PIK3CD: variants seen among roughly 807,000 people sequenced by gnomAD.
PIK3CD encodes phosphatidylinositol 4,5-bisphosphate 3-kinase catalytic subunit delta isoform.
A neutral mutation model predicts 122.9 loss-of-function variants in PIK3CD; 20 were observed. The ratio of observed to expected loss-of-function variants is 0.16; its 90% CI spans 0.11 to 0.24. PIK3CD has a LOEUF of 0.24. PIK3CD is among the 10% of genes least tolerant of loss of function. The pLI is 1.00. For missense variants in PIK3CD, 787 were observed against 1,406.3 expected, an observed-to-expected ratio of 0.56 and a Z score of 7.04; for synonymous variants, 596 against 593.4, an observed-to-expected ratio of 1.00 and a Z score of -0.06.
chr1:9,656,930 G>A (rs1239269614), intron 1 of PIK3CD, among the ~76,000 whole-genome samples: 3 of 129,744 alleles, frequency 2.3e-5, no homozygotes, highest in South Asian at 2.7e-4. Context: ...GTGACAGAGC[G>A]AGACTCCATC....
chr1:9,702,500 CTTTTTTTTTTTTTTTT>C (rs60167511), intron 2 of PIK3CD, among the ~76,000 whole-genome samples: 383 of 25,810 alleles, frequency 0.015, 2 homozygotes, highest in African/African-American at 0.035. Context: ...AAGAACTTTC[CTTTTTTTTTTTTTTTT>C]TTTTTTTTTT....
At chr1:9,675,019 TAAAA>T (rs35270071) in intron 1 of PIK3CD, among the ~76,000 whole-genome samples, 4 of 73,976 alleles carry the variant, frequency 5.4e-5, no homozygotes, top group Admixed American at 3.0e-4. Context: ...CTGGGCAATG[TAAAA>T]AAAAAAAAAA....
In PIK3CD at chr1:9,717,653, GAC is replaced by G. The variant is rs765289296; in HGVS notation, c.1020+30_1020+31del. On this transcript the variant is annotated intron_variant, in intron 8 of 23. Coordinates refer to ENST00000377346, the MANE Select transcript of PIK3CD (RefSeq NM_005026.5). The surrounding 1 kb of genome is among the most constrained non-coding windows in gnomAD (Gnocchi z 5.4). ...TGGGGCTCCTGGGATAGGTGGGAGA[GAC>G]ACTGTTTTTTTGCACAAACAAGGTG... The G allele has an allele frequency of 1.7e-5, 27 of 1,606,984 alleles. No homozygotes were observed. The highest frequency in any genetic ancestry group is 2.2e-5 in the Non-Finnish European group (26 of 1,173,972).
the PIK3CD span, among the ~76,000 whole-genome samples, chr1:9,631,554 G>A: frequency 6.6e-6 from 1 of 152,240 alleles, no homozygotes; most frequent in Non-Finnish European, 1.5e-5. Flanking sequence ...TACTCAGGAG[G>A]CTGAGGCAGG....
rs1228290405 is a variant in PIK3CD, at chr1:9,704,182, G to A, written c.-32-6242G>A. ...GACAGGACCTGGCATTTGATGTCCT[G>A]TGCAGACCAGTCTGATACTTTCTGT... is the stretch of plus-strand genomic sequence containing the variant. On this transcript the variant is annotated intron_variant, in intron 2 of 23. Transcript: ENST00000377346. This position sits in a 1 kb window ranked among gnomAD's most constrained non-coding sequence, Gnocchi z 5.0. Among the ~76,000 whole-genome samples the A allele has an allele frequency of 6.6e-6, 1 of 152,196 alleles. No individual in the cohort carries two copies. The highest frequency in any genetic ancestry group is 1.5e-5 in the Non-Finnish European group (1 of 68,042).
chr1:9,627,691 G>C, the PIK3CD span, among the ~76,000 whole-genome samples: 10 of 152,212 alleles, frequency 6.6e-5, no homozygotes, highest in African/African-American at 2.2e-4. Flanking sequence ...AGGACCAGGG[G>C]CTGAGTCTCC....
intron 1 of PIK3CD, among the ~76,000 whole-genome samples, chr1:9,671,737 C>T (rs1477016442): frequency 6.6e-6 from 1 of 152,172 alleles, no homozygotes; most frequent in Non-Finnish European, 1.5e-5. Context: ...TGAGCCACTA[C>T]ATCTGGCCTT....
chr1:9,723,602 C>G lies in PIK3CD; in HGVS notation c.2594+310C>G, dbSNP rs1022482627. 1.4e-4 allele frequency among the ~76,000 whole-genome samples: 21 copies of G among 152,234 alleles called. No homozygotes were observed. The highest frequency in any genetic ancestry group is 5.1e-4 in the African/African-American group (21 of 41,466). On this transcript the variant is annotated intron_variant, in intron 20 of 23. Coordinates refer to ENST00000377346, the MANE Select transcript of PIK3CD (RefSeq NM_005026.5). The surrounding 1 kb of genome is among the most constrained non-coding windows in gnomAD (Gnocchi z 4.9). ...GGCTTTTCTGCTGGTTCCACATAAT[C>G]ACTCATGCAGCTGTTCTCATCTGGT...
chr1:9,635,916 C>T, the PIK3CD span, among the ~76,000 whole-genome samples: 5 of 152,128 alleles, frequency 3.3e-5, no homozygotes, highest in Admixed American at 2.0e-4. Context: ...GGCCTGGAGC[C>T]CAGACAGATG....
At chr1:9,675,566 T>C (rs1021397467) in intron 1 of PIK3CD, among the ~76,000 whole-genome samples, 4 of 151,850 alleles carry the variant, frequency 2.6e-5, no homozygotes, top group African/African-American at 4.8e-5. Context: ...CACGGGCTTG[T>C]TCCCAGGAAG....
Position 9,715,730 on chromosome 1 carries a change from A to C in PIK3CD, c.331A>C (p.Lys111Gln). 1 of 1,613,446 alleles carries C rather than the reference A, an allele frequency of 6.2e-7. No homozygotes were observed. The highest frequency in any genetic ancestry group is 8.5e-7 in the Non-Finnish European group (1 of 1,179,984). Residue 111 changes from lysine to glutamine, a missense_variant, in exon 4 of 24, where the codon AAG (lysine) becomes CAG (glutamine). Lys to Gln is a moderately conservative substitution (Grantham distance 53). Transcript: ENST00000377346. This position sits in a 1 kb window ranked among gnomAD's most constrained non-coding sequence, Gnocchi z 4.1. ...LVAREGDRVK[K>Q]LINSQISLLI... Reference sequence around the variant, plus strand: ...GGCCCGTGAGGGCGACCGCGTGAAGAAGCTCATCAACTCACAGATCAGCCT... The same window carrying C: ...GGCCCGTGAGGGCGACCGCGTGAAGCAGCTCATCAACTCACAGATCAGCCT...
At chr1:9,694,964 AAAC>A (rs1467257831) in intron 2 of PIK3CD, among the ~76,000 whole-genome samples, 1 of 148,748 alleles carries the variant, frequency 6.7e-6, no homozygotes, top group East Asian at 1.9e-4. Flanking sequence ...CCTGTCTCAA[AAAC>A]AAAAAAGAGA....
Position 9,710,682 on chromosome 1 carries a change from C to T in PIK3CD, c.141+86C>T. ...ACAGATAGACAGACAGACAGACAGA[C>T]AGATGGACAGGTGGACAGACGGACA... On this transcript the variant is annotated intron_variant, in intron 3 of 23. Transcript: ENST00000377346. The surrounding 1 kb of genome is among the most constrained non-coding windows in gnomAD (Gnocchi z 4.7). 1 of 1,445,876 alleles carries T rather than the reference C, an allele frequency of 6.9e-7. No homozygotes were observed. The highest frequency in any genetic ancestry group is 1.1e-5 in the South Asian group (1 of 87,208). The allele number at this position is 1,445,876 out of a possible 1,614,324, so 89.6% of individuals were successfully genotyped here.
Position 9,652,652 on chromosome 1 carries a change from C to G in PIK3CD, c.-138+850C>G, listed in dbSNP as rs1644713653. 1 of 152,270 alleles carries G rather than the reference C, an allele frequency of 6.6e-6. No individual in the cohort carries two copies. The highest frequency in any genetic ancestry group is 1.5e-5 in the Non-Finnish European group (1 of 68,058). 9.4% of individuals were successfully genotyped at this position (152,270 alleles called of 1,614,324 possible). A position where few individuals can be genotyped will look rare whatever the true frequency, so the allele number is the denominator to read the frequency against. On this transcript the variant is annotated intron_variant, in intron 1 of 23. Coordinates refer to ENST00000377346, the MANE Select transcript of PIK3CD (RefSeq NM_005026.5). This position sits in a 1 kb window ranked among gnomAD's most constrained non-coding sequence, Gnocchi z 6.2. ...ATCGAGTTTCCTGTTTTTATTTAGG[C>G]TTCCTCATTTGCACCTCCTCCTTTG...
At chr1:9,687,715 G>A (rs756000565) in intron 1 of PIK3CD, among the ~76,000 whole-genome samples, 1 of 152,212 alleles carries the variant, frequency 6.6e-6, no homozygotes, top group South Asian at 2.1e-4. Context: ...GCGAGAGCGC[G>A]TGTATGAGCA....
At position 9,723,827 on chromosome 1, in the gene PIK3CD, T is replaced by C. The variant is rs769892059; in HGVS notation, c.2595-142T>C. The stretch of plus-strand genomic sequence containing the variant: ...GCTCTGGAATAGCGTCTGCAAGCGA[T>C]GTCCAGCATTGTGTCCTCCATGTTC... On this transcript the variant is annotated intron_variant, in intron 20 of 23. Coordinates refer to ENST00000377346, the MANE Select transcript of PIK3CD (RefSeq NM_005026.5). The surrounding 1 kb of genome is among the most constrained non-coding windows in gnomAD (Gnocchi z 4.9). 35 of 777,976 alleles carry C rather than the reference T, an allele frequency of 4.5e-5. No homozygotes were observed. Among genetic ancestry groups the C allele is most frequent in the Non-Finnish European group, 7.2e-5 (32 of 445,240 alleles). The allele number at this position is 777,976 out of a possible 1,614,324, so 48.2% of individuals were successfully genotyped here.
chr1:9,669,779 G>A (rs1645267673), intron 1 of PIK3CD, among the ~76,000 whole-genome samples: 1 of 152,064 alleles, frequency 6.6e-6, no homozygotes, highest in African/African-American at 2.4e-5. Context: ...AAGAACATCA[G>A]GATATTGGTC....
chr1:9,682,566 G>T (rs1370122132), intron 1 of PIK3CD, among the ~76,000 whole-genome samples: 1 of 149,308 alleles, frequency 6.7e-6, no homozygotes, highest in East Asian at 2.0e-4. Context: ...TTTCGAGACG[G>T]AGTCTCGCTG....
At chr1:9,630,707 AGTGTGTGTGTGTGTGTGT>A in the PIK3CD span, among the ~76,000 whole-genome samples, 2 of 147,548 alleles carry the variant, frequency 1.4e-5, no homozygotes, top group Admixed American at 6.8e-5. Flanking sequence ...AAAGAAAGTG[AGTGTGTGTGTGTGTGTGT>A]GTGTGTGTGT....
Sources: allele counts gnomAD v4.1 joint callset (sites outside exome capture counted in the v4.1 genomes callset), GRCh38; gene constraint gnomAD v4.1.1; non-coding constraint Gnocchi (gnomAD v3.1); transcripts MANE v1.5; gene names NCBI Gene and HGNC (gene_info 2026-07-23, HGNC 2026-07-21).